Variants in DIABLO observed in about 807,000 individuals in gnomAD.
The protein encoded by DIABLO is diablo IAP-binding mitochondrial protein.
DIABLO carries 32 observed loss-of-function variants against 31.7 expected under a neutral mutation model. The observed-to-expected ratio is 1.01, with a 90% confidence interval of 0.76 to 1.35. The LOEUF (loss-of-function observed/expected upper bound fraction) is 1.35, where lower values mean the gene tolerates loss of function less well. DIABLO is among the 40% of genes most tolerant of loss of function. DIABLO has a pLI of 0.00. For missense variants in DIABLO, 316 were observed against 286.4 expected (o/e 1.10, Z -0.75); for synonymous variants, 132 against 103.2 (o/e 1.28, Z -1.69).
intron 5 of DIABLO, among the ~76,000 whole-genome samples, chr12:122,210,566 A>G (rs914680205): frequency 6.6e-6 from 1 of 150,998 alleles, no homozygotes; most frequent in South Asian, 2.1e-4. Flanking sequence ...ATTTTAGTAG[A>G]GACGGGGTTT....
In DIABLO at chr12:122,222,123, T is replaced by C. The variant is rs530027899; in HGVS notation, c.183+2389A>G. ...CTCTAGCTCTTCCCCATAAAGCATATAAGCTATGATTTTTTTAAATGAAGT... is the reference window on the plus strand; with the variant it reads ...CTCTAGCTCTTCCCCATAAAGCATACAAGCTATGATTTTTTTAAATGAAGT... On this transcript the variant is annotated intron_variant, in intron 2 of 5. Transcript: ENST00000464942. 2.6e-5 allele frequency: 4 copies of C among 152,344 alleles called. No individual in the cohort carries two copies. In the East Asian group the frequency reaches 7.7e-4, roughly 29 times the overall value. The allele number at this position is 152,344 out of a possible 1,614,324, so 9.4% of individuals were successfully genotyped here.
chr12:122,219,093 C>T (rs1247206320), intron 2 of DIABLO, among the ~76,000 whole-genome samples: 3 of 151,504 alleles, frequency 2.0e-5, no homozygotes, highest in African/African-American at 4.9e-5. Context: ...ATTAGCTGGG[C>T]GTGGTGGCAC....
At chr12:122,226,755 C>T (rs1954488612), upstream of DIABLO, 11 of 562,914 alleles carry the variant, frequency 2.0e-5, no homozygotes, top group South Asian at 2.4e-4. Context: ...CTTCTCAACC[C>T]AAACTGCCCT....
Position 122,224,511 on chromosome 12 carries a change from C to A in DIABLO, c.183+1G>T. ...ATAAGAATCACTGCACACGACAGTA[C>A]CTGTGCAATAGGAACCGCACACAGG... On this transcript the variant is annotated splice_donor_variant, in intron 2 of 5. Coordinates refer to ENST00000464942, the MANE Select transcript of DIABLO (RefSeq NM_001371333.1). LOFTEE classifies it high-confidence loss of function. 4 of 1,613,766 alleles carry A rather than the reference C, an allele frequency of 2.5e-6. No individual in the cohort carries two copies. The highest frequency in any genetic ancestry group is 3.4e-6 in the Non-Finnish European group (4 of 1,179,962).
At position 122,224,658 on chromosome 12, in the gene DIABLO, T is replaced by C; in HGVS notation, c.51-14A>G. 1 of 1,614,096 alleles carries C rather than the reference T, an allele frequency of 6.2e-7. No homozygotes were observed. The highest frequency in any genetic ancestry group is 1.1e-5 in the South Asian group (1 of 91,082). ...CACTGTCTGTACCTGGAAGTAGAAG[T>C]CAGATTTCATAAGGCACGACCGCCA... On this transcript the variant is annotated splice_polypyrimidine_tract_variant and intron_variant, in intron 1 of 5. Coordinates refer to ENST00000464942, the MANE Select transcript of DIABLO (RefSeq NM_001371333.1).
At chr12:122,208,621 G>A (rs763501543) in intron 5 of DIABLO, 44 bp from the exon 6 acceptor site, 71 of 1,593,244 alleles carry the variant, frequency 4.5e-5, no homozygotes, top group Middle Eastern at 3.3e-4. Context: ...CGTGCAGGGC[G>A]CGGAAGGCTC....
intron 2 of DIABLO, chr12:122,221,203 G>A (rs1954329221): frequency 6.6e-6 from 1 of 152,160 alleles, no homozygotes; most frequent in Non-Finnish European, 1.5e-5. Flanking sequence ...ATAAGGAAAG[G>A]CTTTAAATAG....
chr12:122,225,489 G>A (rs1954439026), intron 1 of DIABLO: 2 of 1,026,970 alleles, frequency 1.9e-6, no homozygotes, highest in Admixed American at 5.1e-5. Flanking sequence ...CCCCTGGCCT[G>A]GGTGCCAGTT....
chr12:122,211,873 T>G (rs1228107802), intron 5 of DIABLO, among the ~76,000 whole-genome samples: 1 of 152,240 alleles, frequency 6.6e-6, no homozygotes, highest in Non-Finnish European at 1.5e-5. Flanking sequence ...TCCTACTGAT[T>G]ACTTTTTATC....
At chr12:122,218,199 A>C in intron 3 of DIABLO, 67 bp downstream of exon 3, 2 of 1,579,374 alleles carry the variant, frequency 1.3e-6, no homozygotes, top group Non-Finnish European at 1.7e-6. Context: ...TATCAGACAC[A>C]ATTTGGTTGT....
Position 122,207,861 on chromosome 12 carries a change from T to TG in DIABLO, c.*519_*520insC. The TG allele has an allele frequency of 2.2e-6, 1 of 460,480 alleles. No homozygotes were observed. Among genetic ancestry groups the TG allele is most frequent in the Non-Finnish European group, 4.3e-6 (1 of 231,274 alleles). The allele number at this position is 460,480 out of a possible 1,614,324, so 28.5% of individuals were successfully genotyped here. ...TTAGTAGTAATAGGTTTTTCACTCC[T>TG]TGGCCTCAGCTGTCCTCACAGGACA... is the stretch of plus-strand genomic sequence containing the variant. On this transcript the variant is annotated 3_prime_UTR_variant, in exon 6 of 6. Coordinates refer to ENST00000464942, the MANE Select transcript of DIABLO (RefSeq NM_001371333.1).
rs1389340898 is a variant in DIABLO, at chr12:122,208,132, A to C, written c.*249T>G. On this transcript the variant is annotated 3_prime_UTR_variant, in exon 6 of 6. Transcript: ENST00000464942. ...TGGGTGTGAGGTAAAAAAAATGGGT[A>C]AGAGCAGCTGTACAGAGTGGGGTGA... The C allele has an allele frequency of 4.4e-6, 3 of 677,172 alleles. No individual in the cohort carries two copies. The South Asian group carries it at 4.5e-5, about 10-fold the overall frequency. 41.9% of individuals were successfully genotyped at this position (677,172 alleles called of 1,614,324 possible).
At chr12:122,214,782 C>G (rs1388014634) in intron 5 of DIABLO, among the ~76,000 whole-genome samples, 1 of 152,046 alleles carries the variant, frequency 6.6e-6, no homozygotes, top group Non-Finnish European at 1.5e-5. Context: ...GTGGAGCCAT[C>G]TAGGCTCACT....
intron 2 of DIABLO, 56 bp downstream of exon 2, chr12:122,224,456 T>C (rs1954401498): frequency 2.5e-6 from 4 of 1,613,202 alleles, no homozygotes; most frequent in Admixed American, 1.7e-5. Context: ...CACCGCCCAC[T>C]TGAGACTTCA....
chr12:122,221,733 T>C (rs1027250804), intron 2 of DIABLO: 2 of 152,230 alleles, frequency 1.3e-5, no homozygotes, highest in East Asian at 1.9e-4. Flanking sequence ...GAAGTGGCAT[T>C]GCTGTACTAA....
intron 1 of DIABLO, 85 bp downstream of exon 1, chr12:122,225,880 G>A (rs1215321833): frequency 1.0e-5 from 16 of 1,543,272 alleles, no homozygotes; most frequent in Non-Finnish European, 1.3e-5. Flanking sequence ...GCGTAAGGAA[G>A]GCGGGCGCCG....
chr12:122,223,728 C>T (rs1456824699), intron 2 of DIABLO, among the ~76,000 whole-genome samples: 1 of 152,210 alleles, frequency 6.6e-6, no homozygotes, highest in Non-Finnish European at 1.5e-5. Context: ...TCTACTTCGC[C>T]TTATCAGAGT....
At chr12:122,209,358 AAAAAAAAAGAAAAAAAG>A (rs1408956376) in intron 5 of DIABLO, among the ~76,000 whole-genome samples, 1 of 146,298 alleles carries the variant, frequency 6.8e-6, no homozygotes, top group East Asian at 2.0e-4. Context: ...CTCCGTCTCA[AAAAAAAAAGAAAAAAAG>A]AAAAAAGGCT....
At chr12:122,217,306 A>C (rs1954237214) in intron 3 of DIABLO, 1 of 207,592 alleles carries the variant, frequency 4.8e-6, no homozygotes, top group Admixed American at 5.4e-5. Context: ...TGAAGTCAGG[A>C]GTTCGAGACC....
Sources: gnomAD v4.1 joint callset for allele counts (sites outside exome capture counted in the v4.1 genomes callset) on GRCh38, gnomAD v4.1.1 for gene constraint, MANE v1.5 for transcripts, NCBI Gene and HGNC (gene_info 2026-07-23, HGNC 2026-07-21) for gene names.